ZNF18: variants seen among roughly 807,000 people sequenced by gnomAD.
ZNF18 encodes heart development-specific gene 1 protein.
In ZNF18, 42 loss-of-function variants were observed where a neutral mutation model predicts 58.1. That is an observed-to-expected ratio of 0.72 (90% CI 0.56 to 0.93). The LOEUF is 0.93. Among genes scored for constraint, ZNF18 ranks in the 40% least tolerant of loss-of-function variants. The pLI is 0.00. For missense variants in ZNF18, 540 were observed against 644.2 expected, an observed-to-expected ratio of 0.84 and a Z score of 1.75; for synonymous variants, 231 against 239.8, an observed-to-expected ratio of 0.96 and a Z score of 0.34.
the ZNF18 span, among the ~76,000 whole-genome samples, chr17:12,018,241 TATTACTA>T: frequency 2.6e-5 from 4 of 152,250 alleles, no homozygotes; most frequent in African/African-American, 9.6e-5. Context: ...CTACCACCAT[TATTACTA>T]AAAAGGTTAA....
At chr17:11,988,042 A>T (rs779862457) in intron 4 of ZNF18, among the ~76,000 whole-genome samples, 11 of 152,216 alleles carry the variant, frequency 7.2e-5, no homozygotes, top group Non-Finnish European at 1.5e-4. Context: ...ATGATGTTTT[A>T]ATTAAGATGT....
At chr17:12,011,491 T>C in the ZNF18 span, among the ~76,000 whole-genome samples, 1 of 151,708 alleles carries the variant, frequency 6.6e-6, no homozygotes, top group Non-Finnish European at 1.5e-5. Context: ...GTTCAAGCGA[T>C]TCTCTTGCCT....
chr17:12,003,766 G>C, the ZNF18 span, among the ~76,000 whole-genome samples: 82 of 152,316 alleles, frequency 5.4e-4, no homozygotes, highest in African/African-American at 1.9e-3. Flanking sequence ...AGACCCCTTT[G>C]AGCTTTTGAA....
At chr17:12,009,442 T>C in the ZNF18 span, among the ~76,000 whole-genome samples, 2 of 134,568 alleles carry the variant, frequency 1.5e-5, no homozygotes, top group African/African-American at 2.7e-5. Context: ...ATTCCCGAGC[T>C]TTTTTTTTTT....
At chr17:11,996,907 CTGG>C (rs2151490429) in intron 1 of ZNF18, 1 of 152,344 alleles carries the variant, frequency 6.6e-6, no homozygotes, top group Non-Finnish European at 1.5e-5. Flanking sequence ...CTGCCAACGT[CTGG>C]TGATTTGTTG....
Position 11,978,749 on chromosome 17 carries a change from A to T in ZNF18, c.863-5T>A. ...TGTCATTCTCTTGTCTATCTCCTAA[A>T]AGAAGAAAGAAGATTTGAAATGGTT... On this transcript the variant is annotated splice_region_variant and splice_polypyrimidine_tract_variant and intron_variant, in intron 6 of 6. Transcript: ENST00000580306. 1.3e-6 allele frequency: 2 copies of T among 1,561,934 alleles called. No homozygotes were observed. Among genetic ancestry groups the T allele is most frequent in the Non-Finnish European group, 1.7e-6 (2 of 1,160,874 alleles).
chr17:11,986,233 C>T (rs566302280), intron 4 of ZNF18, among the ~76,000 whole-genome samples: 85 of 152,356 alleles, frequency 5.6e-4, no homozygotes, highest in African/African-American at 2.0e-3. Flanking sequence ...TGGGGGCCTC[C>T]CCAGCCATAT....
chr17:11,988,859 T>C (rs1174603587), intron 4 of ZNF18, among the ~76,000 whole-genome samples: 1 of 150,278 alleles, frequency 6.7e-6, no homozygotes, highest in Non-Finnish European at 1.5e-5. Context: ...ACACAAAAAT[T>C]TAAAAATTAG....
chr17:12,003,817 T>C, the ZNF18 span, among the ~76,000 whole-genome samples: 1 of 152,372 alleles, frequency 6.6e-6, no homozygotes, highest in African/African-American at 2.4e-5. Context: ...TAAGCTTCAC[T>C]GGTATTGAAT....
chr17:11,978,834 C>CCTT, intron 6 of ZNF18, 90 bp from the exon 7 acceptor site: 1 of 183,040 alleles, frequency 5.5e-6, no homozygotes, highest in Non-Finnish European at 9.7e-6. Context: ...ATAAAACATT[C>CCTT]ATTTTCTTTT....
chr17:11,985,705 G>A (rs1220938675), intron 4 of ZNF18, among the ~76,000 whole-genome samples: 1 of 152,202 alleles, frequency 6.6e-6, no homozygotes, highest in Non-Finnish European at 1.5e-5. Flanking sequence ...GTCCAGGACA[G>A]AAGAGGCACT....
chr17:11,984,534 G>C (rs1431098607), intron 4 of ZNF18, among the ~76,000 whole-genome samples: 1 of 145,618 alleles, frequency 6.9e-6, no homozygotes, highest in South Asian at 2.2e-4. Flanking sequence ...TTTTTTTTTA[G>C]ATGGAATCTC....
At chr17:11,994,496 T>A in intron 1 of ZNF18, among the ~76,000 whole-genome samples, 1 of 152,162 alleles carries the variant, frequency 6.6e-6, no homozygotes, top group East Asian at 1.9e-4. Flanking sequence ...ACATTTTGCA[T>A]GTTACTGTAT....
chr17:12,018,320 A>G, the ZNF18 span, among the ~76,000 whole-genome samples: 1 of 152,210 alleles, frequency 6.6e-6, no homozygotes, highest in Non-Finnish European at 1.5e-5. Context: ...TGTCATAGCA[A>G]AAGAACCAAT....
In ZNF18 at chr17:11,994,945, T is replaced by C. The variant is rs1434848173; in HGVS notation, c.-82-2034A>G. On this transcript the variant is annotated intron_variant, in intron 1 of 6. Transcript: ENST00000580306. ...GTGGTCACCTTCATCATCTTCACAC[T>C]GAGTAGCCTGAAGAGGACAAGGAAC... is the stretch of plus-strand genomic sequence containing the variant. 2.6e-5 allele frequency among the ~76,000 whole-genome samples: 4 copies of C among 152,186 alleles called. No individual in the cohort carries two copies. In the East Asian group the frequency reaches 7.7e-4, roughly 29 times the overall value.
the ZNF18 span, among the ~76,000 whole-genome samples, chr17:12,011,478 C>T: frequency 4.0e-5 from 6 of 151,686 alleles, no homozygotes; most frequent in Non-Finnish European, 7.4e-5. Context: ...CTCTGACTTC[C>T]GGGTTCAAGC....
At chr17:11,980,896 C>A (rs758788982) in intron 6 of ZNF18, among the ~76,000 whole-genome samples, 1 of 152,142 alleles carries the variant, frequency 6.6e-6, no homozygotes, top group African/African-American at 2.4e-5. Context: ...TCTTTCAAAA[C>A]ATTTTTTTAA....
chr17:11,981,930 G>A (rs912656150), intron 6 of ZNF18, among the ~76,000 whole-genome samples: 3 of 152,236 alleles, frequency 2.0e-5, no homozygotes, highest in Middle Eastern at 3.4e-3. Context: ...GATGGTATTT[G>A]GAGATGGGGC....
chr17:11,996,303 G>C (rs2151489859), intron 1 of ZNF18, among the ~76,000 whole-genome samples: 1 of 152,178 alleles, frequency 6.6e-6, no homozygotes, highest in South Asian at 2.1e-4. Flanking sequence ...CAACCTATTT[G>C]GCTCAAGAGT....
Sources: allele counts gnomAD v4.1 joint callset (sites outside exome capture counted in the v4.1 genomes callset), GRCh38; gene constraint gnomAD v4.1.1; transcripts MANE v1.5; gene names NCBI Gene and HGNC (gene_info 2026-07-23, HGNC 2026-07-21).